GPC6: variants seen among roughly 807,000 people sequenced by gnomAD.
GPC6 encodes the protein glypican-6.
GPC6 carries 14 observed loss-of-function variants against 55.2 expected under a neutral mutation model. The observed-to-expected ratio is 0.25, with a 90% CI of 0.17 to 0.40. The LOEUF (loss-of-function observed/expected upper bound fraction) is 0.40. GPC6 is among the 10% of genes least tolerant of loss of function. GPC6 has a pLI of 1.00. For missense variants in GPC6, 641 were observed against 708.5 expected (o/e 0.90, Z 1.08); for synonymous variants, 278 against 259.6 (o/e 1.07, Z -0.68).
At chr13:93,401,689 C>CTTT (rs4001853) in intron 1 of GPC6, among the ~76,000 whole-genome samples, 5 of 64,482 alleles carry the variant, frequency 7.8e-5, no homozygotes, top group African/African-American at 1.1e-4. Flanking sequence ...CATGAATGGA[C>CTTT]TTTTTTTTTT....
intron 4 of GPC6, among the ~76,000 whole-genome samples, chr13:94,067,561 GAGAT>G (rs565390962): frequency 1.9e-3 from 279 of 149,992 alleles, no homozygotes; most frequent in African/African-American, 6.5e-3. Context: ...GAGTCCATGA[GAGAT>G]AGATAGATAG....
intron 1 of GPC6, among the ~76,000 whole-genome samples, chr13:93,312,628 T>G (rs138375355): frequency 1.1e-4 from 17 of 152,264 alleles, no homozygotes; most frequent in African/African-American, 4.1e-4. Flanking sequence ...AAAACTTAGC[T>G]TAAGTTCTCA....
intron 6 of GPC6, among the ~76,000 whole-genome samples, chr13:94,375,065 T>G (rs1208372769): frequency 6.8e-6 from 1 of 146,032 alleles, no homozygotes; most frequent in Non-Finnish European, 1.5e-5. Flanking sequence ...CAAAGCAGTG[T>G]GTAGAAGGAA....
chr13:93,499,092 C>CA (rs1880421876), intron 1 of GPC6, among the ~76,000 whole-genome samples: 1 of 2,124 alleles, frequency 4.7e-4, no homozygotes, highest in South Asian at 0.031. Flanking sequence ...CCTTAATTGT[C>CA]ACACACACAC....
At chr13:94,350,728 C>G (rs932987735) in intron 6 of GPC6, among the ~76,000 whole-genome samples, 2 of 152,000 alleles carry the variant, frequency 1.3e-5, no homozygotes, top group Non-Finnish European at 2.9e-5. Flanking sequence ...CAGCTGTGTG[C>G]AGAATGAAAA....
chr13:93,383,819 T>C (rs1193466655), intron 1 of GPC6, among the ~76,000 whole-genome samples: 2 of 152,178 alleles, frequency 1.3e-5, no homozygotes, highest in African/African-American at 4.8e-5. Context: ...TATGGAAGTC[T>C]ATTTAATTGT....
intron 1 of GPC6, among the ~76,000 whole-genome samples, chr13:93,412,316 G>A (rs995021899): frequency 1.3e-5 from 2 of 152,076 alleles, no homozygotes; most frequent in African/African-American, 4.8e-5. Flanking sequence ...TTCCAGTATG[G>A]TTTACTAACT....
chr13:93,302,376 A>G (rs935650575), intron 1 of GPC6, among the ~76,000 whole-genome samples: 5 of 152,208 alleles, frequency 3.3e-5, no homozygotes, highest in Non-Finnish European at 7.3e-5. Context: ...TAGTCCTAAC[A>G]TCCTTCTCCA....
chr13:93,256,062 G>T (rs1594055448), intron 1 of GPC6, among the ~76,000 whole-genome samples: 1 of 151,452 alleles, frequency 6.6e-6, no homozygotes, highest in Admixed American at 6.6e-5. Context: ...AATGAGAATT[G>T]CTTGAGATGT....
intron 3 of GPC6, among the ~76,000 whole-genome samples, chr13:94,010,358 A>C (rs1882196403): frequency 6.6e-6 from 1 of 152,194 alleles, no homozygotes; most frequent in Non-Finnish European, 1.5e-5. Flanking sequence ...GAAAATGCTG[A>C]CTAAAAGATT....
At position 93,227,682 on chromosome 13, in the gene GPC6, C is replaced by T. The variant is rs564787217; in HGVS notation, c.160+66C>T. 18 of 1,306,278 alleles carry T rather than the reference C, an allele frequency of 1.4e-5. No homozygotes were observed. The African/African-American group carries it at 2.3e-4, about 17-fold the overall frequency. The allele number at this position is 1,306,278 out of a possible 1,614,324, so 80.9% of individuals were successfully genotyped here. A position where few individuals can be genotyped will look rare whatever the true frequency, so the allele number is the denominator to read the frequency against. ...GCTGCCGCACGTCCCACTGGCCGCC[C>T]GGCGTCCCCTTCCTTCCCCCTGTTG... is the stretch of plus-strand genomic sequence containing the variant. On this transcript the variant is annotated intron_variant, in intron 1 of 8. Coordinates refer to ENST00000377047, the MANE Select transcript of GPC6 (RefSeq NM_005708.5). This position sits in a 1 kb window ranked among gnomAD's most constrained non-coding sequence, Gnocchi z 4.3.
At position 94,404,391 on chromosome 13, in the gene GPC6, A is replaced by G. The variant is rs1394295912; in HGVS notation, c.*1174A>G. On this transcript the variant is annotated 3_prime_UTR_variant, in exon 9 of 9. Coordinates refer to ENST00000377047, the MANE Select transcript of GPC6 (RefSeq NM_005708.5). ...ATCATCTATTTTTATATCTATGTAT[A>G]TATAAATCACAGATTTTAACTTCTT... The G allele has an allele frequency of 6.6e-6, 1 of 152,204 alleles. No homozygotes were observed. Among genetic ancestry groups the G allele is most frequent in the East Asian group, 1.9e-4 (1 of 5,196 alleles). The allele number at this position is 152,204 out of a possible 1,614,324, so 9.4% of individuals were successfully genotyped here.
At chr13:94,154,027 T>C (rs1887838500) in intron 4 of GPC6, among the ~76,000 whole-genome samples, 1 of 152,216 alleles carries the variant, frequency 6.6e-6, no homozygotes, top group South Asian at 2.1e-4. Flanking sequence ...GTCATTCATA[T>C]CAGCATATTG....
At chr13:93,609,910 T>C (rs1056592449) in intron 2 of GPC6, among the ~76,000 whole-genome samples, 2 of 152,218 alleles carry the variant, frequency 1.3e-5, no homozygotes, top group Non-Finnish European at 2.9e-5. Context: ...ACAATACTTT[T>C]GGAGTCTGGT....
intron 2 of GPC6, among the ~76,000 whole-genome samples, chr13:93,778,969 A>G (rs1452814346): frequency 2.0e-5 from 3 of 152,236 alleles, no homozygotes; most frequent in Non-Finnish European, 2.9e-5. Context: ...GATCATTGAG[A>G]TAAACATTTC....
chr13:93,544,083 T>G (rs1882442560), intron 1 of GPC6, among the ~76,000 whole-genome samples: 1 of 151,972 alleles, frequency 6.6e-6, no homozygotes, highest in Non-Finnish European at 1.5e-5. Flanking sequence ...TTTTTTTTTG[T>G]TGTAATTGTT....
intron 3 of GPC6, among the ~76,000 whole-genome samples, chr13:93,942,336 T>C (rs1878778635): frequency 6.6e-6 from 1 of 152,148 alleles, no homozygotes; most frequent in African/African-American, 2.4e-5. Flanking sequence ...TCAAGCGTCA[T>C]CTAGCCAAGG....
At chr13:94,326,792 G>A (rs148045645) in intron 6 of GPC6, among the ~76,000 whole-genome samples, 3 of 152,186 alleles carry the variant, frequency 2.0e-5, no homozygotes, top group African/African-American at 7.2e-5. Context: ...GTTAAATGGC[G>A]GGAAGCAACA....
intron 1 of GPC6, among the ~76,000 whole-genome samples, chr13:93,270,873 G>T (rs938732316): frequency 1.3e-5 from 2 of 152,146 alleles, no homozygotes; most frequent in Non-Finnish European, 2.9e-5. Context: ...GATAAATGGA[G>T]ATTAAAGTGA....
Sources: allele counts gnomAD v4.1 joint callset (sites outside exome capture counted in the v4.1 genomes callset), GRCh38; gene constraint gnomAD v4.1.1; non-coding constraint Gnocchi (gnomAD v3.1); transcripts MANE v1.5; gene names NCBI Gene and HGNC (gene_info 2026-07-23, HGNC 2026-07-21).